The following RBM39 variants were observed in gnomAD, a reference collection of about 807,000 sequenced individuals.
The protein encoded by RBM39 is RNA binding motif protein 39.
A neutral mutation model predicts 79.6 loss-of-function variants in RBM39; 12 were observed. That is an observed-to-expected ratio of 0.15 (90% confidence interval 0.10 to 0.24). The LOEUF is 0.24. Ranked by LOEUF, RBM39 falls within the 10% of genes least tolerant of loss-of-function variation. The probability of loss-of-function intolerance (pLI) is 1.00; values close to 1 mark genes in which losing one functional copy is unlikely to be tolerated. For missense variants in RBM39, 243 were observed against 653.4 expected, an observed-to-expected ratio of 0.37 and a Z score of 6.85; for synonymous variants, 185 against 208.4, an observed-to-expected ratio of 0.89 and a Z score of 0.97.
chr20:35,727,602 A>G (rs1275140569), intron 6 of RBM39, among the ~76,000 whole-genome samples: 2 of 151,696 alleles, frequency 1.3e-5, no homozygotes, highest in Non-Finnish European at 1.5e-5. Flanking sequence ...CAGCATCCCA[A>G]GTAGCTGGGA....
intron 9 of RBM39, among the ~76,000 whole-genome samples, chr20:35,720,623 T>C (rs62211698): frequency 6.7e-5 from 10 of 149,136 alleles, no homozygotes; most frequent in Non-Finnish European, 8.9e-5. Flanking sequence ...AAAAAAAAAT[T>C]AGTCGAGCAT....
intron 13 of RBM39, chr20:35,707,480 TA>T (rs2035886269): frequency 4.2e-6 from 1 of 239,246 alleles, no homozygotes; most frequent in African/African-American, 2.3e-5. Flanking sequence ...TCAGTTCAAT[TA>T]GACAAAATCT....
chr20:35,736,458 C>A, intron 3 of RBM39: 2 of 353,412 alleles, frequency 5.7e-6, no homozygotes, highest in South Asian at 2.3e-5. Context: ...GCTTAACAAG[C>A]CCTGAATAAC....
chr20:35,736,467 A>T lies in RBM39; in HGVS notation c.101+2501T>A, dbSNP rs1039651673. On this transcript the variant is annotated intron_variant, in intron 3 of 16. Coordinates refer to ENST00000253363, the MANE Select transcript of RBM39 (RefSeq NM_184234.3). ...ATAGTGGCTTAACAAGCCCTGAATA[A>T]CATTATATATTTTCTCATCTGTTTT... 5.3e-5 allele frequency: 21 copies of T among 395,210 alleles called. No homozygotes were observed. The Admixed American group carries it at 6.9e-4, about 13-fold the overall frequency. The allele number at this position is 395,210 out of a possible 1,614,324, so 24.5% of individuals were successfully genotyped here. A position where few individuals can be genotyped will look rare whatever the true frequency, so the allele number is the denominator to read the frequency against.
At chr20:35,716,417 C>T (rs138766783) in intron 10 of RBM39, among the ~76,000 whole-genome samples, 28 of 152,292 alleles carry the variant, frequency 1.8e-4, no homozygotes, top group African/African-American at 6.3e-4. Context: ...AACATGCCAC[C>T]TTCCCCACCA....
intron 6 of RBM39, among the ~76,000 whole-genome samples, chr20:35,726,378 G>A (rs893842844): frequency 1.3e-5 from 2 of 152,092 alleles, no homozygotes; most frequent in Admixed American, 6.6e-5. Context: ...TGATCCACCC[G>A]CCTCGGCCTC....
chr20:35,707,090 G>T, intron 14 of RBM39, 30 bp downstream of exon 14: 2 of 1,182,964 alleles, frequency 1.7e-6, no homozygotes, highest in Non-Finnish European at 2.4e-6. Flanking sequence ...GCCTTGATAG[G>T]AAATATCAAG....
intron 3 of RBM39, among the ~76,000 whole-genome samples, chr20:35,737,215 C>A (rs905055546): frequency 6.6e-6 from 1 of 150,892 alleles, no homozygotes; most frequent in Non-Finnish European, 1.5e-5. Context: ...GATGGTGAAT[C>A]CCCATCTCTA....
intron 10 of RBM39, among the ~76,000 whole-genome samples, chr20:35,715,764 AGT>A (rs987505383): frequency 6.6e-6 from 1 of 152,220 alleles, no homozygotes; most frequent in Non-Finnish European, 1.5e-5. Flanking sequence ...CACTGTGGAA[AGT>A]GTGACTTGGC....
chr20:35,736,389 T>C (rs2039906590), intron 3 of RBM39: 1 of 292,538 alleles, frequency 3.4e-6, no homozygotes, highest in African/African-American at 2.2e-5. Flanking sequence ...CTACAAATTA[T>C]ATCATTTTTA....
intron 1 of RBM39, chr20:35,741,360 A>AT (rs2040516747): frequency 2.0e-5 from 3 of 153,276 alleles, no homozygotes; most frequent in African/African-American, 7.3e-5. Flanking sequence ...AATCGACTGA[A>AT]TTTTTCTTCT....
At position 35,714,507 on chromosome 20, in the gene RBM39, T is replaced by C. The variant is rs147545406; in HGVS notation, c.892-118A>G. Reference sequence around the variant, plus strand: ...CAATAATTACTTCTGAATACTAAGGTAGAAACTGCAAGCTGTAAGTAGCAA... The same window carrying C: ...CAATAATTACTTCTGAATACTAAGGCAGAAACTGCAAGCTGTAAGTAGCAA... On this transcript the variant is annotated intron_variant, in intron 10 of 16. Coordinates refer to ENST00000253363, the MANE Select transcript of RBM39 (RefSeq NM_184234.3). 4.0e-5 allele frequency: 53 copies of C among 1,340,972 alleles called. No homozygotes were observed. The African/African-American group carries it at 5.9e-4, about 15-fold the overall frequency. 83.1% of individuals were successfully genotyped at this position (1,340,972 alleles called of 1,614,324 possible).
At chr20:35,718,952 G>A (rs1057122768) in intron 9 of RBM39, among the ~76,000 whole-genome samples, 32 of 151,964 alleles carry the variant, frequency 2.1e-4, no homozygotes, top group Admixed American at 1.6e-3. Flanking sequence ...CTGGGTGACA[G>A]CGCAGGACTC....
intron 11 of RBM39, chr20:35,713,967 A>G (rs1462255221): frequency 1.9e-6 from 1 of 522,300 alleles, no homozygotes; most frequent in Admixed American, 3.6e-5. Flanking sequence ...AGGAAAAGAA[A>G]TCTTGCAACT....
chr20:35,716,836 T>TGG lies in RBM39; in HGVS notation c.826-32_826-31insCC, dbSNP rs752144821. 3 of 1,488,892 alleles carry TGG rather than the reference T, an allele frequency of 2.0e-6. No homozygotes were observed. In the East Asian group the frequency reaches 6.9e-5, roughly 34 times the overall value. The allele number at this position is 1,488,892 out of a possible 1,614,324, so 92.2% of individuals were successfully genotyped here. A position where few individuals can be genotyped will look rare whatever the true frequency, so the allele number is the denominator to read the frequency against. ...ATTGAAAAGCATAATTACTATAACTTAAAAGCAGAGTACAAAACTACTTTC... is the reference window on the plus strand; with the variant it reads ...ATTGAAAAGCATAATTACTATAACTTGGAAAAGCAGAGTACAAAACTACTTTC... On this transcript the variant is annotated intron_variant, in intron 9 of 16. Transcript: ENST00000253363.
chr20:35,708,699 ACTTAAT>A (rs1390732893), intron 13 of RBM39: 1 of 152,436 alleles, frequency 6.6e-6, no homozygotes, highest in Non-Finnish European at 1.5e-5. Flanking sequence ...ATCATAGCCT[ACTTAAT>A]GAATGGTTTC....
Position 35,717,770 on chromosome 20 carries a change from T to C in RBM39, c.826-965A>G, listed in dbSNP as rs2037336649. Among the ~76,000 whole-genome samples the C allele has an allele frequency of 2.0e-5, 3 of 152,278 alleles. No homozygotes were observed. In the South Asian group the frequency reaches 6.2e-4, roughly 32 times the overall value. Reference sequence around the variant, plus strand: ...TTTGGGAGGCAGGAGGATCGCATGTTAAGGAGGTGGACGCTACACAGTGAG... The same window carrying C: ...TTTGGGAGGCAGGAGGATCGCATGTCAAGGAGGTGGACGCTACACAGTGAG... On this transcript the variant is annotated intron_variant, in intron 9 of 16. Transcript: ENST00000253363.
At chr20:35,734,806 C>A in intron 3 of RBM39, 1 of 1,376,060 alleles carries the variant, frequency 7.3e-7, no homozygotes, top group East Asian at 2.7e-5. Context: ...TGCAAGAAAC[C>A]AGTATATTTC....
intron 10 of RBM39, among the ~76,000 whole-genome samples, chr20:35,715,298 C>G (rs1007427157): frequency 5.3e-5 from 8 of 152,134 alleles, no homozygotes; most frequent in African/African-American, 1.9e-4. Context: ...CCTCATCCTC[C>G]CTAGATGCTA....
Sources: gnomAD v4.1 joint callset for allele counts (sites outside exome capture counted in the v4.1 genomes callset) on GRCh38, gnomAD v4.1.1 for gene constraint, MANE v1.5 for transcripts, NCBI Gene and HGNC (gene_info 2026-07-23, HGNC 2026-07-21) for gene names.